The following TENM4 variants were observed in gnomAD, a reference collection of about 807,000 sequenced individuals.
The protein encoded by TENM4 is teneurin transmembrane protein 4.
Under a neutral mutation model 243.3 loss-of-function variants are expected in TENM4, and 82 were observed. The ratio of observed to expected loss-of-function variants is 0.34; its 90% CI spans 0.28 to 0.40. The LOEUF (loss-of-function observed/expected upper bound fraction) is 0.40. TENM4 is among the 10% of genes least tolerant of loss of function. TENM4 has a pLI of 1.00. For missense variants in TENM4, 3,138 were observed against 3,673.3 expected, an observed-to-expected ratio of 0.85 and a Z score of 3.77; for synonymous variants, 1,412 against 1,456.3, an observed-to-expected ratio of 0.97 and a Z score of 0.69.
chr11:78,689,644 A>G (rs752620206), intron 28 of TENM4, among the ~76,000 whole-genome samples: 8 of 151,996 alleles, frequency 5.3e-5, no homozygotes, highest in African/African-American at 9.7e-5. Context: ...TGCAGCTCCT[A>G]TGGTATCAGG....
intron 9 of TENM4, among the ~76,000 whole-genome samples, chr11:78,889,313 C>G (rs7111202): frequency 0.12 from 18,081 of 152,200 alleles, 1,550 homozygotes; most frequent in African/African-American, 0.24. Flanking sequence ...TACCTTCAGA[C>G]GTGCTTTCCT....
chr11:79,287,624 C>G lies in TENM4; in HGVS notation c.-265+9864G>C, dbSNP rs372928998. 2.6e-4 allele frequency among the ~76,000 whole-genome samples: 40 copies of G among 152,182 alleles called. No individual in the cohort carries two copies. In the South Asian group the frequency reaches 8.3e-3, roughly 32 times the overall value. ...TCCCCAACAAGTAGGGTGCTTGATG[C>G]ATTATAATGGCCATTTTCAACACTG... On this transcript the variant is annotated intron_variant, in intron 2 of 33. Transcript: ENST00000278550.
chr11:79,403,343 T>C (rs1395762727), intron 1 of TENM4, among the ~76,000 whole-genome samples: 1 of 152,362 alleles, frequency 6.6e-6, no homozygotes, highest in East Asian at 1.9e-4. Flanking sequence ...GTTACATTTA[T>C]ACAGCACTTT....
In TENM4 at chr11:78,669,644, A is replaced by T; in HGVS notation, c.6701T>A (p.Leu2234His). 1 of 1,613,926 alleles carries T rather than the reference A, an allele frequency of 6.2e-7. No individual in the cohort carries two copies. Residue 2234 changes from leucine (L) to histidine (H), a missense_variant, in exon 32 of 34, where the codon CTC becomes CAC. Physicochemically the swap from Leu to His is moderately conservative, Grantham distance 99 (BLOSUM62 -3). Transcript: ENST00000278550. The surrounding 1 kb of genome is among the most constrained non-coding windows in gnomAD (Gnocchi z 6.4). ...GCGGATGTCATACCGTAGTGGTGTG[A>T]GCCGTGCACTGTTCCCAGGGCTCAG... The part of the protein sequence containing the change: ...HLLSPGNSAR[L>H]TPLRYDIRDR...
rs1232500417 is a variant in TENM4 at position 78,875,793 on chromosome 11, TTAAATGAGGAAA to T, written c.1085-12673_1085-12662del. 1.4e-4 allele frequency among the ~76,000 whole-genome samples: 21 copies of T among 152,290 alleles called. No individual in the cohort carries two copies. In the Middle Eastern group the frequency reaches 0.01, roughly 74 times the overall value. On this transcript the variant is annotated intron_variant, in intron 9 of 33. Transcript: ENST00000278550. ...GGATAAGTAAGACTGTTGAAGAATA[TTAAATGAGGAAA>T]TACATGTAACACTCAGAATAGCACC...
At chr11:79,204,666 A>T (rs970148481) in intron 3 of TENM4, among the ~76,000 whole-genome samples, 16 of 152,212 alleles carry the variant, frequency 1.1e-4, no homozygotes, top group Non-Finnish European at 1.9e-4. Flanking sequence ...ATAGTTTGGA[A>T]GGAAATTTGG....
intron 6 of TENM4, among the ~76,000 whole-genome samples, chr11:78,947,616 C>A (rs182969181): frequency 6.6e-6 from 1 of 152,212 alleles, no homozygotes; most frequent in Non-Finnish European, 1.5e-5. Context: ...AGAGAGAGTG[C>A]GGGGGCAAGG....
chr11:79,412,804 C>A (rs78057319), intron 1 of TENM4, among the ~76,000 whole-genome samples: 177 of 152,316 alleles, frequency 1.2e-3, no homozygotes, highest in African/African-American at 3.9e-3. Flanking sequence ...CTTCTCCTAT[C>A]TGCTCCCATA....
intron 6 of TENM4, among the ~76,000 whole-genome samples, chr11:78,906,975 A>G (rs634682): frequency 0.19 from 29,476 of 151,940 alleles, 3,673 homozygotes; most frequent in Middle Eastern, 0.31. Flanking sequence ...ATAGTAGACC[A>G]CTCTGGGCCT....
intron 2 of TENM4, among the ~76,000 whole-genome samples, chr11:79,252,541 C>G (rs1201056939): frequency 6.6e-6 from 1 of 152,160 alleles, no homozygotes; most frequent in Non-Finnish European, 1.5e-5. Context: ...CTGGCTGAAG[C>G]AGTTCTACTC....
chr11:79,145,846 T>C (rs775244708), intron 4 of TENM4, among the ~76,000 whole-genome samples: 1 of 152,144 alleles, frequency 6.6e-6, no homozygotes, highest in Non-Finnish European at 1.5e-5. Context: ...TAGTATTTCA[T>C]TATGGTTTTA....
chr11:78,878,276 G>A (rs1311854034), intron 9 of TENM4, among the ~76,000 whole-genome samples: 1 of 152,076 alleles, frequency 6.6e-6, no homozygotes, highest in Non-Finnish European at 1.5e-5. Flanking sequence ...GCCAGACCCG[G>A]CACAAGAAGC....
At chr11:79,166,919 T>G (rs2135105579) in intron 3 of TENM4, among the ~76,000 whole-genome samples, 2 of 152,286 alleles carry the variant, frequency 1.3e-5, no homozygotes, top group East Asian at 3.9e-4. Context: ...AGAATTTCCA[T>G]GGAGTTCAGT....
intron 2 of TENM4, among the ~76,000 whole-genome samples, chr11:79,221,468 AC>A (rs1864153598): frequency 6.6e-6 from 1 of 151,820 alleles, no homozygotes; most frequent in African/African-American, 2.4e-5. Context: ...GGAAAAAAAA[AC>A]ATCCACACCC....
chr11:78,871,570 A>G (rs1228081068), intron 9 of TENM4, among the ~76,000 whole-genome samples: 1 of 152,226 alleles, frequency 6.6e-6, no homozygotes, highest in African/African-American at 2.4e-5. Flanking sequence ...AGCTAAGCCC[A>G]GTTCTTCAGA....
At chr11:79,278,669 C>G (rs915480500) in intron 2 of TENM4, among the ~76,000 whole-genome samples, 4 of 152,204 alleles carry the variant, frequency 2.6e-5, no homozygotes, top group Admixed American at 2.0e-4. Context: ...TTTCCAGAAA[C>G]CTTTCCTGGA....
intron 6 of TENM4, among the ~76,000 whole-genome samples, chr11:79,018,452 GCA>G (rs145253927): frequency 1.1e-4 from 16 of 150,320 alleles, no homozygotes; most frequent in East Asian, 3.9e-4. Flanking sequence ...TCACACACAT[GCA>G]CACACACACA....
rs35532822 is a variant in TENM4 at position 78,699,130 on chromosome 11, TAACAAC to T, written c.5087+2390_5087+2395del. Among the ~76,000 whole-genome samples, 7 of 151,894 alleles carry T rather than the reference TAACAAC, an allele frequency of 4.6e-5. No individual in the cohort carries two copies. The East Asian group carries it at 1.4e-3, about 29-fold the overall frequency. ...GTACTGCCACTAATATTGCTTGCATTAACAACAACAACAACAACAACAACAACTGCA... is the reference window on the plus strand; with the variant it reads ...GTACTGCCACTAATATTGCTTGCATTAACAACAACAACAACAACAACTGCA... On this transcript the variant is annotated intron_variant, in intron 28 of 33. Coordinates refer to ENST00000278550, the MANE Select transcript of TENM4 (RefSeq NM_001098816.3).
intron 32 of TENM4, among the ~76,000 whole-genome samples, chr11:78,662,609 G>A (rs1030234866): frequency 1.3e-5 from 2 of 152,138 alleles, no homozygotes; most frequent in African/African-American, 4.8e-5. Context: ...GGGATAGATA[G>A]GATTTTGCCA....
Sources: allele counts gnomAD v4.1 joint callset (sites outside exome capture counted in the v4.1 genomes callset), GRCh38; gene constraint gnomAD v4.1.1; non-coding constraint Gnocchi (gnomAD v3.1); transcripts MANE v1.5; gene names NCBI Gene and HGNC (gene_info 2026-07-23, HGNC 2026-07-21).